Variants in THEM6 observed in about 807,000 individuals in gnomAD.
THEM6 encodes protein THEM6.
A neutral mutation model predicts 13.7 loss-of-function variants in THEM6; 10 were observed. The observed-to-expected ratio is 0.73, with a 90% confidence interval of 0.45 to 1.24. THEM6 has a LOEUF of 1.24. Among genes scored for constraint, THEM6 ranks in the 50% most tolerant of loss-of-function variants. The pLI is 0.00. For synonymous variants in THEM6, 161 were observed against 156.0 expected (o/e 1.03, Z -0.24); for missense variants, 317 against 312.6 (o/e 1.01, Z -0.11).
chr8:142,735,594 AC>A lies in THEM6; in HGVS notation c.*159del, dbSNP rs1273677961. On this transcript the variant is annotated 3_prime_UTR_variant, in exon 2 of 2. Transcript: ENST00000336138. ...CCACTGGGCCCCCCCAGTTATTGAT[AC>A]CCCTCTGTGCTGGGCTCCACGCTAG... The A allele has an allele frequency of 3.2e-6, 2 of 630,376 alleles. No individual in the cohort carries two copies. The highest frequency in any genetic ancestry group is 5.5e-5 in the East Asian group (2 of 36,058). 39.0% of individuals were successfully genotyped at this position (630,376 alleles called of 1,614,324 possible).
At chr8:142,730,200 T>C (rs1815615166) in intron 1 of THEM6, among the ~76,000 whole-genome samples, 1 of 152,186 alleles carries the variant, frequency 6.6e-6, no homozygotes, top group Non-Finnish European at 1.5e-5. Context: ...GAGAGAAAGA[T>C]GTTTTCTTGA....
At chr8:142,732,366 C>T (rs982446262) in intron 1 of THEM6, among the ~76,000 whole-genome samples, 1 of 150,652 alleles carries the variant, frequency 6.6e-6, no homozygotes, top group African/African-American at 2.4e-5. Context: ...TTGTGTTGTC[C>T]TCTCTGGTCG....
intron 1 of THEM6, 81 bp from the exon 2 acceptor site, chr8:142,735,245 G>T: frequency 9.4e-7 from 1 of 1,058,952 alleles, no homozygotes; most frequent in Non-Finnish European, 1.4e-6. Flanking sequence ...GGAAGGTCAC[G>T]GGCTGGGGAG....
chr8:142,731,744 C>T (rs1012841200), intron 1 of THEM6, among the ~76,000 whole-genome samples: 5 of 152,178 alleles, frequency 3.3e-5, no homozygotes, highest in East Asian at 1.9e-4. Context: ...GGCAATGGCA[C>T]CAGCCCCTGG....
intron 1 of THEM6, among the ~76,000 whole-genome samples, chr8:142,734,206 G>A (rs138818214): frequency 5.9e-5 from 9 of 152,288 alleles, no homozygotes; most frequent in South Asian, 4.1e-4. Context: ...GGTACCTTCC[G>A]ATGTTATTTT....
Position 142,727,281 on chromosome 8 carries a change from C to G in THEM6, c.-66C>G, listed in dbSNP as rs1398478649. On this transcript the variant is annotated 5_prime_UTR_variant, in exon 1 of 2. Transcript: ENST00000336138. ...CCAGGAGGCCTGGCGGGCACCGTAA[C>G]CAGCGCCGCGGACACCGGCACCGGC... The G allele has an allele frequency of 8.6e-6, 12 of 1,387,822 alleles. No individual in the cohort carries two copies. The highest frequency in any genetic ancestry group is 3.0e-5 in the East Asian group (1 of 33,446). The allele number at this position is 1,387,822 out of a possible 1,614,324, so 86.0% of individuals were successfully genotyped here. A position where few individuals can be genotyped will look rare whatever the true frequency, so the allele number is the denominator to read the frequency against.
chr8:142,732,238 A>G (rs1736265573), intron 1 of THEM6, among the ~76,000 whole-genome samples: 1 of 123,896 alleles, frequency 8.1e-6, no homozygotes, highest in South Asian at 2.8e-4. Context: ...GTGAGGTTCA[A>G]CCCCCTGAAA....
At chr8:142,730,686 C>T (rs1244956249) in intron 1 of THEM6, among the ~76,000 whole-genome samples, 1 of 152,126 alleles carries the variant, frequency 6.6e-6, no homozygotes, top group Non-Finnish European at 1.5e-5. Context: ...TGATTTTATA[C>T]CAGATAAGTT....
chr8:142,734,900 C>T (rs587706273), intron 1 of THEM6: 2 of 182,454 alleles, frequency 1.1e-5, no homozygotes, highest in South Asian at 1.2e-4. Context: ...GTGGTCAGGC[C>T]CAGGCTGCCC....
At position 142,734,020 on chromosome 8, in the gene THEM6, G is replaced by A. The variant is rs1336991405; in HGVS notation, c.514-1306G>A. Among the ~76,000 whole-genome samples, 3 of 152,308 alleles carry A rather than the reference G, an allele frequency of 2.0e-5. No individual in the cohort carries two copies. The East Asian group carries it at 5.8e-4, about 29-fold the overall frequency. On this transcript the variant is annotated intron_variant, in intron 1 of 1. Transcript: ENST00000336138. ...ATGCAGATGAAGCCTCCAGGCTGCA[G>A]GCTTCAGAGGGAATAGATCATAAAT...
chr8:142,727,595 C>T lies in THEM6; in HGVS notation c.249C>T (p.Thr83=), dbSNP rs1815526265. The change falls in exon 1 of 2, where the codon ACC becomes ACT. Residue 83 remains threonine, a synonymous_variant. Coordinates refer to ENST00000336138, the MANE Select transcript of THEM6 (RefSeq NM_016647.3). ...EADFARVAHL[T]RCGVLGALRE... The stretch of plus-strand genomic sequence containing the variant: ...ACTTTGCGCGCGTCGCGCACCTGAC[C>T]CGCTGCGGGGTGCTCGGGGCGCTGA... 1 of 1,519,098 alleles carries T rather than the reference C, an allele frequency of 6.6e-7. No homozygotes were observed. The highest frequency in any genetic ancestry group is 8.8e-7 in the Non-Finnish European group (1 of 1,140,874). The allele number at this position is 1,519,098 out of a possible 1,614,324, so 94.1% of individuals were successfully genotyped here. A position where few individuals can be genotyped will look rare whatever the true frequency, so the allele number is the denominator to read the frequency against.
intron 1 of THEM6, among the ~76,000 whole-genome samples, chr8:142,728,944 T>C (rs973970174): frequency 1.3e-4 from 19 of 142,698 alleles, no homozygotes; most frequent in Non-Finnish European, 2.0e-4. Flanking sequence ...TTTCTTTTTT[T>C]TTTTTTTTTT....
intron 1 of THEM6, among the ~76,000 whole-genome samples, chr8:142,729,338 C>G (rs1587581245): frequency 2.6e-5 from 4 of 152,170 alleles, no homozygotes; most frequent in Admixed American, 2.6e-4. Context: ...AGGGTACACT[C>G]GCCAGCAGCT....
chr8:142,735,211 G>A, intron 1 of THEM6, 115 bp from the exon 2 acceptor site: 2 of 753,832 alleles, frequency 2.7e-6, no homozygotes, highest in Non-Finnish European at 4.5e-6. Context: ...GCAAAGCATG[G>A]CAGGCGGCGG....
At chr8:142,731,453 TTTAAA>T (rs1246637094) in intron 1 of THEM6, among the ~76,000 whole-genome samples, 1 of 152,238 alleles carries the variant, frequency 6.6e-6, no homozygotes, top group African/African-American at 2.4e-5. Context: ...CCTAATTACT[TTTAAA>T]TTATACACTA....
Position 142,736,337 on chromosome 8 carries a change from C to G in THEM6, c.*898C>G, listed in dbSNP as rs1187553705. On this transcript the variant is annotated 3_prime_UTR_variant, in exon 2 of 2. Transcript: ENST00000336138. Reference sequence around the variant, plus strand: ...TACAGCACCACAGGCCGCTGTACCCCCTTAGAGCTGCCCCTCTCTGGCCTG... The same window carrying G: ...TACAGCACCACAGGCCGCTGTACCCGCTTAGAGCTGCCCCTCTCTGGCCTG... 6.6e-6 allele frequency: 1 copy of G among 152,570 alleles called. No individual in the cohort carries two copies. The highest frequency in any genetic ancestry group is 1.5e-5 in the Non-Finnish European group (1 of 68,340). 9.5% of individuals were successfully genotyped at this position (152,570 alleles called of 1,614,324 possible).
rs1815505503 is a variant in THEM6, at chr8:142,727,260, G to A, written c.-87G>A. The A allele has an allele frequency of 1.5e-6, 2 of 1,309,446 alleles. No individual in the cohort carries two copies. Among genetic ancestry groups the A allele is most frequent in the South Asian group, 1.7e-5 (1 of 58,082 alleles). 81.1% of individuals were successfully genotyped at this position (1,309,446 alleles called of 1,614,324 possible). A position where few individuals can be genotyped will look rare whatever the true frequency, so the allele number is the denominator to read the frequency against. On this transcript the variant is annotated 5_prime_UTR_variant, in exon 1 of 2. Transcript: ENST00000336138. ...GCGCGCTGCGCTCGTGAGTTCCCAGGAGGCCTGGCGGGCACCGTAACCAGC... is the reference window on the plus strand; with the variant it reads ...GCGCGCTGCGCTCGTGAGTTCCCAGAAGGCCTGGCGGGCACCGTAACCAGC...
chr8:142,727,399 T>C lies in THEM6; in HGVS notation c.53T>C (p.Leu18Pro), dbSNP rs1554642409. 6.5e-7 allele frequency: 1 copy of C among 1,530,818 alleles called. No homozygotes were observed. The highest frequency in any genetic ancestry group is 2.0e-5 in the Admixed American group (1 of 51,080). The allele number at this position is 1,530,818 out of a possible 1,614,324, so 94.8% of individuals were successfully genotyped here. ...LLALGLAVFA[L>P]LDVWYLVRLP... is the part of the protein sequence containing the mutation. The stretch of plus-strand genomic sequence containing the variant: ...GCCCTGGGGCTCGCTGTCTTTGCGC[T>C]GCTGGACGTCTGGTACCTGGTGCGC... Residue 18 changes from leucine (L) to proline (P), a missense_variant, in exon 1 of 2, where the codon CTG (leucine) becomes CCG (proline). Transcript: ENST00000336138.
chr8:142,732,708 TTTC>T (rs1815677893), intron 1 of THEM6, among the ~76,000 whole-genome samples: 1 of 133,718 alleles, frequency 7.5e-6, no homozygotes, highest in South Asian at 2.4e-4. Flanking sequence ...TGCTGGCCAG[TTTC>T]TTTTTTTTTT....
Sources: allele counts gnomAD v4.1 joint callset (sites outside exome capture counted in the v4.1 genomes callset), GRCh38; gene constraint gnomAD v4.1.1; transcripts MANE v1.5; gene names NCBI Gene and HGNC (gene_info 2026-07-23, HGNC 2026-07-21).